The following LRRIQ1 variants were observed in gnomAD, a reference collection of about 807,000 sequenced individuals.
The protein encoded by LRRIQ1 is leucine rich repeats and IQ motif containing 1.
LRRIQ1 carries 210 observed loss-of-function variants against 211.9 expected under a neutral mutation model. That is an observed-to-expected ratio of 0.99 (90% confidence interval 0.89 to 1.11). The LOEUF (loss-of-function observed/expected upper bound fraction) is 1.11. Among genes scored for constraint, LRRIQ1 ranks in the 50% most tolerant of loss-of-function variants. The pLI, the probability that LRRIQ1 is intolerant of heterozygous loss-of-function variation, is 0.00. For missense variants in LRRIQ1, 2,136 were observed against 1,939.5 expected (o/e 1.10, Z -1.90); for synonymous variants, 699 against 650.1 (o/e 1.08, Z -1.14).
At chr12:85,194,533 T>C (rs1465220439) in intron 24 of LRRIQ1, among the ~76,000 whole-genome samples, 21 of 147,796 alleles carry the variant, frequency 1.4e-4, no homozygotes, top group Non-Finnish European at 2.4e-4. Flanking sequence ...TCAAAACCGC[T>C]CAACTACATG....
chr12:85,051,846 A>G (rs190922550), intron 6 of LRRIQ1, among the ~76,000 whole-genome samples: 9 of 152,318 alleles, frequency 5.9e-5, no homozygotes, highest in Admixed American at 1.3e-4. Context: ...ATTGTAACAC[A>G]AAACCCATTT....
chr12:85,121,925 T>A, intron 16 of LRRIQ1, 49 bp downstream of exon 16: 2 of 1,395,438 alleles, frequency 1.4e-6, no homozygotes, highest in Non-Finnish European at 1.9e-6. Context: ...ATAATGTAAT[T>A]TATAAATGTG....
exon 2 of LRRIQ1, chr12:85,264,310 A>T (rs1433229459): frequency 6.6e-6 from 1 of 152,104 alleles, no homozygotes; most frequent in Non-Finnish European, 1.5e-5. Flanking sequence ...TTGGAACTAC[A>T]TCAAGATCAG....
intron 15 of LRRIQ1, among the ~76,000 whole-genome samples, chr12:85,109,330 C>A (rs183396258): frequency 1.3e-5 from 2 of 152,228 alleles, no homozygotes; most frequent in Middle Eastern, 3.4e-3. Flanking sequence ...CTAACTCAAA[C>A]ACCTATGTAA....
At chr12:85,107,259 TATC>T (rs1049522289) in intron 15 of LRRIQ1, among the ~76,000 whole-genome samples, 1 of 152,170 alleles carries the variant, frequency 6.6e-6, no homozygotes, top group Non-Finnish European at 1.5e-5. Flanking sequence ...GCATAATTTT[TATC>T]ATTTTTGTTT....
rs199904075 is a variant in LRRIQ1 at position 85,055,941 on chromosome 12, A to G, written c.1148A>G (p.Lys383Arg). The G allele has an allele frequency of 1.5e-4, 246 of 1,606,652 alleles. 1 individual carries two copies. The highest frequency in any genetic ancestry group is 2.2e-5 in the Non-Finnish European group (26 of 1,177,070). ...AGAGAGCAACTAATAAGCAAGGAAA[A>G]AATAATATTAAGAGAAGATGCAAGC... ...QEREQLISKE[K>R]IILREDASQQ... Residue 383 changes from lysine to arginine, a missense_variant, in exon 8 of 27, where the codon AAA becomes AGA. By Grantham distance (26) the Lys-to-Arg change is conservative. Coordinates refer to ENST00000393217, the MANE Select transcript of LRRIQ1 (RefSeq NM_001079910.2).
chr12:85,072,929 A>G lies in LRRIQ1; in HGVS notation c.2718A>G (p.Glu906=). 1.2e-6 allele frequency: 2 copies of G among 1,608,726 alleles called. No homozygotes were observed. The highest frequency in any genetic ancestry group is 1.7e-6 in the Non-Finnish European group (2 of 1,177,996). The part of the protein sequence containing the change: ...TRIGYSFFLE[E]KLVDNAGFCH... The stretch of plus-strand genomic sequence containing the variant: ...CAGGATATTCCTTCTTTCTGGAAGA[A>G]AAACTTGTTGACAATGCAGGGTTCT... Residue 906 remains glutamate (E), a synonymous_variant, in exon 11 of 27, where the codon GAA becomes GAG. Transcript: ENST00000393217.
chr12:85,118,499 G>GTTTTTTT (rs71445022), intron 15 of LRRIQ1, among the ~76,000 whole-genome samples: 1 of 127,862 alleles, frequency 7.8e-6, no homozygotes, highest in Non-Finnish European at 1.7e-5. Flanking sequence ...GAAAAACTAT[G>GTTTTTTT]TTTTTTTTTT....
In LRRIQ1 at chr12:85,121,771, G is replaced by A. The variant is rs144409560; in HGVS notation, c.3452G>A (p.Arg1151His). 1.0e-4 allele frequency: 165 copies of A among 1,609,482 alleles called. 2 individuals carry two copies. The highest frequency in any genetic ancestry group is 1.2e-4 in the Non-Finnish European group (146 of 1,177,894). The change falls in exon 16 of 27, where the codon CGC becomes CAC. Residue 1151 changes from arginine to histidine, a missense_variant. By Grantham distance (29) the Arg-to-His change is conservative (BLOSUM62 0). Transcript: ENST00000393217. Reference protein sequence around the residue: ...GNILNSNSESRTEEHNQLGSA... With the variant: ...GNILNSNSESHTEEHNQLGSA... The stretch of plus-strand genomic sequence containing the variant: ...ATACTAAACTCTAATTCAGAAAGCC[G>A]CACTGAAGAACACAATCAACTGGGA...
chr12:85,257,643 T>TG lies in LRRIQ1; in HGVS notation c.122-5268dup, dbSNP rs1251295831. On this transcript the variant is annotated intron_variant, in intron 1 of 1. Coordinates refer to the LRRIQ1 transcript ENST00000602731. ...GAAAACCACAATAACCAGCATTACA[T>TG]GGGGTAGTTATCAATGGAAAGATGG... Among the ~76,000 whole-genome samples the TG allele has an allele frequency of 2.2e-4, 34 of 151,866 alleles. No homozygotes were observed. The South Asian group carries it at 6.6e-3, about 30-fold the overall frequency.
In LRRIQ1 at chr12:85,167,069, A is replaced by G. The variant is rs1162079902; in HGVS notation, c.4822+6355A>G. 3.3e-5 allele frequency among the ~76,000 whole-genome samples: 5 copies of G among 152,322 alleles called. No individual in the cohort carries two copies. The East Asian group carries it at 9.6e-4, about 29-fold the overall frequency. ...ATATGCTTATATAATATTTTTTAACATGCTGTTTGCTTTGCCAAATTAGAC... is the reference window on the plus strand; with the variant it reads ...ATATGCTTATATAATATTTTTTAACGTGCTGTTTGCTTTGCCAAATTAGAC... On this transcript the variant is annotated intron_variant, in intron 24 of 26. Coordinates refer to ENST00000393217, the MANE Select transcript of LRRIQ1 (RefSeq NM_001079910.2).
At chr12:85,206,335 G>A (rs1413888102) in intron 24 of LRRIQ1, among the ~76,000 whole-genome samples, 2 of 152,208 alleles carry the variant, frequency 1.3e-5, no homozygotes, top group Non-Finnish European at 2.9e-5. Flanking sequence ...AAGGCAGGTG[G>A]CAGGGCTGCT....
chr12:85,079,414 G>A (rs182193099), intron 11 of LRRIQ1, among the ~76,000 whole-genome samples: 18 of 151,358 alleles, frequency 1.2e-4, no homozygotes, highest in South Asian at 6.3e-4. Context: ...TAGTAGAGAC[G>A]GGGTTTCACC....
chr12:85,059,506 G>T (rs1881530587), intron 8 of LRRIQ1, among the ~76,000 whole-genome samples: 1 of 151,942 alleles, frequency 6.6e-6, no homozygotes, highest in Admixed American at 6.6e-5. Flanking sequence ...TGTGAGAAAT[G>T]ATCATACTTT....
chr12:85,244,424 T>G (rs1430577752), intron 26 of LRRIQ1, among the ~76,000 whole-genome samples: 1 of 151,700 alleles, frequency 6.6e-6, no homozygotes, highest in South Asian at 2.1e-4. Context: ...AATAACCCCA[T>G]ATGACATGTC....
At chr12:85,232,978 T>C in intron 26 of LRRIQ1, 1 of 458,068 alleles carries the variant, frequency 2.2e-6, no homozygotes. Flanking sequence ...ATGTGACAGA[T>C]GTAAAAATAT....
intron 10 of LRRIQ1, among the ~76,000 whole-genome samples, chr12:85,071,352 A>G (rs574980838): frequency 3.3e-5 from 5 of 152,060 alleles, no homozygotes; most frequent in East Asian, 1.9e-4. Flanking sequence ...ACTTAACAAC[A>G]TATTATGGAA....
intron 5 of LRRIQ1, among the ~76,000 whole-genome samples, chr12:85,046,348 A>G (rs1284795608): frequency 6.6e-6 from 1 of 152,148 alleles, no homozygotes; most frequent in Non-Finnish European, 1.5e-5. Context: ...TTTTTTCCAC[A>G]TGTTCAGCTG....
At chr12:85,108,529 T>G (rs182670210) in intron 15 of LRRIQ1, among the ~76,000 whole-genome samples, 4 of 152,138 alleles carry the variant, frequency 2.6e-5, no homozygotes, top group African/African-American at 9.7e-5. Context: ...TGAATTTAGA[T>G]GGCTTTTTCT....
Sources: gnomAD v4.1 joint callset for allele counts (sites outside exome capture counted in the v4.1 genomes callset) on GRCh38, gnomAD v4.1.1 for gene constraint, MANE v1.5 for transcripts, NCBI Gene and HGNC (gene_info 2026-07-23, HGNC 2026-07-21) for gene names.